ATP1A2: variants seen among roughly 807,000 people sequenced by gnomAD.
The protein encoded by ATP1A2 is sodium/potassium-transporting ATPase subunit alpha-2.
In ATP1A2, 56 loss-of-function variants were observed where a neutral mutation model predicts 113.1. That is an observed-to-expected ratio of 0.49 (90% CI 0.40 to 0.62). The LOEUF is 0.62. ATP1A2 is among the 20% of genes least tolerant of loss of function. ATP1A2 has a pLI of 0.00. For synonymous variants in ATP1A2, 490 were observed against 526.8 expected (o/e 0.93, Z 0.96); for missense variants, 712 against 1,357.8 (o/e 0.52, Z 7.47).
intron 22 of ATP1A2, among the ~76,000 whole-genome samples, chr1:160,140,975 G>A (rs994833319): frequency 2.8e-5 from 4 of 144,424 alleles, no homozygotes; most frequent in Admixed American, 7.4e-5. Context: ...CAATTCTCTT[G>A]CCTCAGCCTC....
At position 160,135,665 on chromosome 1, in the gene ATP1A2, G is replaced by A; in HGVS notation, c.2284+63G>A. On this transcript the variant is annotated intron_variant, in intron 16 of 22. Transcript: ENST00000361216. This position sits in a 1 kb window ranked among gnomAD's most constrained non-coding sequence, Gnocchi z 6.3. ...ACTGAAGCCGGCACCTCTGTTCCCT[G>A]TCCCTTTACCCCAGTTGAAGAATCA... The A allele has an allele frequency of 1.2e-6, 2 of 1,612,208 alleles. No individual in the cohort carries two copies. The highest frequency in any genetic ancestry group is 1.7e-6 in the Non-Finnish European group (2 of 1,179,798).
intron 13 of ATP1A2, 44 bp downstream of exon 13, chr1:160,130,641 C>G (rs1186866685): frequency 6.2e-7 from 1 of 1,613,144 alleles, no homozygotes; most frequent in Non-Finnish European, 8.5e-7. Flanking sequence ...CTCCCCCATG[C>G]CAGAGTTCAA....
chr1:160,125,109 G>A, intron 6 of ATP1A2, 27 bp from the exon 7 acceptor site: 1 of 1,599,100 alleles, frequency 6.3e-7, no homozygotes, highest in Middle Eastern at 1.7e-4. Context: ...CTGCCAGTCT[G>A]ATGACTATGC....
At position 160,135,679 on chromosome 1, in the gene ATP1A2, G is replaced by A. The variant is rs1651916080; in HGVS notation, c.2284+77G>A. On this transcript the variant is annotated intron_variant, in intron 16 of 22. Coordinates refer to ENST00000361216, the MANE Select transcript of ATP1A2 (RefSeq NM_000702.4). The surrounding 1 kb of genome is among the most constrained non-coding windows in gnomAD (Gnocchi z 6.3). ...CTCTGTTCCCTGTCCCTTTACCCCA[G>A]TTGAAGAATCATTCCACAACTCTAG... 1 of 1,611,594 alleles carries A rather than the reference G, an allele frequency of 6.2e-7. No homozygotes were observed. Among genetic ancestry groups the A allele is most frequent in the Non-Finnish European group, 8.5e-7 (1 of 1,179,250 alleles).
At chr1:160,139,551 C>G in intron 20 of ATP1A2, 89 bp from the exon 21 acceptor site, 2 of 1,123,690 alleles carry the variant, frequency 1.8e-6, no homozygotes, top group Non-Finnish European at 2.7e-6. Flanking sequence ...AGAATTCTCT[C>G]TCCTCTTTCC....
Position 160,141,939 on chromosome 1 carries a change from A to C in ATP1A2, c.*617A>C, listed in dbSNP as rs1184259289. 6.2e-6 allele frequency: 1 copy of C among 160,500 alleles called. No homozygotes were observed. Among genetic ancestry groups the C allele is most frequent in the Non-Finnish European group, 1.4e-5 (1 of 72,180 alleles). The allele number at this position is 160,500 out of a possible 1,614,324, so 9.9% of individuals were successfully genotyped here. ...GATGGAGGTAGGGCTGGCTGGAGGA[A>C]GGAAACAACAAAGGAAGTGAGGTAG... On this transcript the variant is annotated 3_prime_UTR_variant, in exon 23 of 23. Coordinates refer to ENST00000361216, the MANE Select transcript of ATP1A2 (RefSeq NM_000702.4).
At chr1:160,118,372 G>A (rs12126423) in intron 1 of ATP1A2, among the ~76,000 whole-genome samples, 1 of 151,972 alleles carries the variant, frequency 6.6e-6, no homozygotes, top group Non-Finnish European at 1.5e-5. Context: ...TCACACTGAA[G>A]CTCAGCCAGC....
chr1:160,118,578 A>G lies in ATP1A2; in HGVS notation c.13-2328A>G, dbSNP rs76189371. On this transcript the variant is annotated intron_variant, in intron 1 of 22. Transcript: ENST00000361216. The stretch of plus-strand genomic sequence containing the variant: ...TCCATTGGGCTGCTCGGTCTCCCCA[A>G]GAAGATCTGCCTTTAGGAGGCCAAA... Among the ~76,000 whole-genome samples, 1,071 of 152,310 alleles carry G rather than the reference A, an allele frequency of 7.0e-3. 19 individuals carry two copies. Among genetic ancestry groups the G allele is most frequent in the African/African-American group, 0.024 (1,010 of 41,570 alleles).
At chr1:160,125,334 A>G in intron 7 of ATP1A2, 81 bp downstream of exon 7, 2 of 1,346,588 alleles carry the variant, frequency 1.5e-6, no homozygotes, top group South Asian at 1.2e-5. Flanking sequence ...GGTAGTACTT[A>G]CCTGGCAAAA....
chr1:160,123,813 C>G, intron 4 of ATP1A2, 130 bp from the exon 5 acceptor site: 1 of 844,304 alleles, frequency 1.2e-6, no homozygotes, highest in Non-Finnish European at 2.0e-6. Context: ...CCCCTACCAT[C>G]ATCACTCTCA....
intron 4 of ATP1A2, 129 bp from the exon 5 acceptor site, chr1:160,123,814 A>G (rs1651498504): frequency 2.4e-6 from 2 of 848,796 alleles, no homozygotes; most frequent in Non-Finnish European, 2.0e-6. Flanking sequence ...CCCTACCATC[A>G]TCACTCTCAG....
At chr1:160,119,355 T>G (rs1241470263) in intron 1 of ATP1A2, among the ~76,000 whole-genome samples, 5 of 142,566 alleles carry the variant, frequency 3.5e-5, no homozygotes, top group African/African-American at 1.3e-4. Flanking sequence ...CATCATAGTG[T>G]GGGAAAACTA....
At position 160,130,158 on chromosome 1, in the gene ATP1A2, G is replaced by A. The variant is rs778637759; in HGVS notation, c.1518G>A (p.Gly506=). ...AGAGCCACGTGCTGGTGATGAAGGG[G>A]GCCCCAGAGCGCATTCTGGACCGGT... is the stretch of plus-strand genomic sequence containing the variant. The part of the protein sequence containing the change: ...SPQSHVLVMK[G]APERILDRCS... The change falls in exon 12 of 23, where the codon GGG becomes GGA. Residue 506 remains glycine (G), a synonymous_variant. Transcript: ENST00000361216. 1 of 1,614,090 alleles carries A rather than the reference G, an allele frequency of 6.2e-7. No homozygotes were observed. The highest frequency in any genetic ancestry group is 1.3e-5 in the African/African-American group (1 of 74,926).
intron 1 of ATP1A2, among the ~76,000 whole-genome samples, chr1:160,119,591 T>C (rs566422830): frequency 6.6e-6 from 1 of 152,176 alleles, no homozygotes; most frequent in East Asian, 1.9e-4. Context: ...GAGGGCCTCC[T>C]CTTAGAAGGA....
At chr1:160,128,873 G>A (rs770822254) in intron 9 of ATP1A2, 23 bp downstream of exon 9, 2 of 1,613,972 alleles carry the variant, frequency 1.2e-6, no homozygotes, top group Non-Finnish European at 1.7e-6. Context: ...TCCAGAGGGG[G>A]TGGATAGGAT....
intron 13 of ATP1A2, among the ~76,000 whole-genome samples, chr1:160,132,917 A>C (rs1463244123): frequency 6.6e-6 from 1 of 152,150 alleles, no homozygotes; most frequent in Non-Finnish European, 1.5e-5. Context: ...TTTAGGCACA[A>C]GAGGAACCAG....
chr1:160,136,549 C>A, intron 18 of ATP1A2, 21 bp from the exon 19 acceptor site: 1 of 1,614,216 alleles, frequency 6.2e-7, no homozygotes, highest in Non-Finnish European at 8.5e-7. Context: ...CCTGCCCCTG[C>A]CTTTGGCCCT....
rs1558003394 is a variant in ATP1A2 at position 160,123,246 on chromosome 1, G to A, written c.211G>A (p.Ala71Thr). The change falls in exon 4 of 23, where the codon GCT (alanine) becomes ACT (threonine). Residue 71 changes from alanine to threonine, a missense_variant. Coordinates refer to ENST00000361216, the MANE Select transcript of ATP1A2 (RefSeq NM_000702.4). ...LTNQRAQDVL[A>T]RDGPNALTPP... ...CAACCAGCGGGCTCAGGACGTTCTG[G>A]CTCGAGATGGGCCCAACGCCCTCAC... The A allele has an allele frequency of 1.2e-6, 2 of 1,614,190 alleles. No homozygotes were observed. The highest frequency in any genetic ancestry group is 1.7e-6 in the Non-Finnish European group (2 of 1,180,034).
rs753898151 is a variant in ATP1A2, at chr1:160,135,108, CA to C, written c.1965-36del. 21 of 1,613,238 alleles carry C rather than the reference CA, an allele frequency of 1.3e-5. No individual in the cohort carries two copies. Among genetic ancestry groups the C allele is most frequent in the Non-Finnish European group, 1.8e-5 (21 of 1,179,794 alleles). On this transcript the variant is annotated intron_variant, in intron 14 of 22. Transcript: ENST00000361216. This position sits in a 1 kb window ranked among gnomAD's most constrained non-coding sequence, Gnocchi z 6.3. ...GGGCAGGAGGGGCTGGTACAGGTGC[CA>C]GGGGTCAGCTGTCTCTGTCCCCACC... is the stretch of plus-strand genomic sequence containing the variant.
Sources: gnomAD v4.1 joint callset for allele counts (sites outside exome capture counted in the v4.1 genomes callset) on GRCh38, gnomAD v4.1.1 for gene constraint, Gnocchi (gnomAD v3.1) non-coding constraint, MANE v1.5 for transcripts, NCBI Gene and HGNC (gene_info 2026-07-23, HGNC 2026-07-21) for gene names.